MAPK14: variants seen among roughly 807,000 people sequenced by gnomAD.
MAPK14 encodes the protein mitogen-activated protein kinase 14.
In MAPK14, 16 loss-of-function variants were observed where a neutral mutation model predicts 49.6. The ratio of observed to expected loss-of-function variants is 0.32; its 90% confidence interval spans 0.22 to 0.49. The LOEUF (loss-of-function observed/expected upper bound fraction) is 0.49, where lower values mean the gene tolerates loss of function less well. MAPK14 is among the 20% of genes least tolerant of loss of function. The probability of loss-of-function intolerance (pLI) is 0.99; values close to 1 mark genes in which losing one functional copy is unlikely to be tolerated. For missense variants in MAPK14, 200 were observed against 441.2 expected, an observed-to-expected ratio of 0.45 and a Z score of 4.90; for synonymous variants, 142 against 158.0, an observed-to-expected ratio of 0.90 and a Z score of 0.76.
chr6:36,031,551 C>T (rs1030934913), intron 1 of MAPK14, among the ~76,000 whole-genome samples: 7 of 151,878 alleles, frequency 4.6e-5, no homozygotes, highest in African/African-American at 1.7e-4. Context: ...GATACAAGTG[C>T]GCAACACCAT....
chr6:36,054,927 G>T (rs1470106394), intron 2 of MAPK14, among the ~76,000 whole-genome samples: 1 of 152,180 alleles, frequency 6.6e-6, no homozygotes, highest in Non-Finnish European at 1.5e-5. Flanking sequence ...ACAATTTTCA[G>T]GTGCCAGAGG....
At chr6:36,117,902 G>A in the MAPK14 span, among the ~76,000 whole-genome samples, 190 of 152,310 alleles carry the variant, frequency 1.2e-3, no homozygotes, top group African/African-American at 4.3e-3. Flanking sequence ...ATCCCTTGCA[G>A]ATCACCTTGT....
In MAPK14 at chr6:36,090,783, C is replaced by G. The variant is rs372699371; in HGVS notation, c.683-5204C>G. The stretch of plus-strand genomic sequence containing the variant: ...TAAAAAGCAGTTTCACTTTAGACAC[C>G]AAAAGCAAGTGTCCAATAAATGCTG... On this transcript the variant is annotated intron_variant, in intron 8 of 11. Transcript: ENST00000229794. Among the ~76,000 whole-genome samples, 58 of 152,252 alleles carry G rather than the reference C, an allele frequency of 3.8e-4. No individual in the cohort carries two copies. In the Middle Eastern group the frequency reaches 0.014, roughly 36 times the overall value.
In MAPK14 at chr6:36,054,184, A is replaced by G. The variant is rs943400965; in HGVS notation, c.246+1356A>G. ...TGATTTTTAACACATTTAAGTGTGT[A>G]TGCTGTTTTTCATTACACATTATTA... On this transcript the variant is annotated intron_variant, in intron 2 of 11. Coordinates refer to ENST00000229794, the MANE Select transcript of MAPK14 (RefSeq NM_139012.3). 7.5e-4 allele frequency among the ~76,000 whole-genome samples: 114 copies of G among 152,326 alleles called. 2 individuals carry two copies. Among genetic ancestry groups the G allele is most frequent in the Non-Finnish European group, 5.9e-5 (4 of 68,034 alleles).
intron 8 of MAPK14, among the ~76,000 whole-genome samples, 190 bp from the exon 9 acceptor site, chr6:36,095,797 G>A (rs1287562078): frequency 1.3e-5 from 2 of 151,830 alleles, no homozygotes; most frequent in African/African-American, 2.4e-5. Flanking sequence ...TTGTACAGGA[G>A]GAGCATGCCC....
intron 1 of MAPK14, among the ~76,000 whole-genome samples, chr6:36,043,059 AG>A (rs1763027578): frequency 6.6e-6 from 1 of 151,942 alleles, no homozygotes; most frequent in Admixed American, 6.6e-5. Flanking sequence ...GGGAAGTCAA[AG>A]CTGCATTGAG....
At chr6:36,123,914 G>A in the MAPK14 span, among the ~76,000 whole-genome samples, 19 of 152,018 alleles carry the variant, frequency 1.2e-4, no homozygotes, top group Non-Finnish European at 7.4e-5. Context: ...ATGGTGTGGG[G>A]AGGGAGGTGT....
At chr6:36,091,567 T>G (rs1765230472) in intron 8 of MAPK14, among the ~76,000 whole-genome samples, 2 of 152,226 alleles carry the variant, frequency 1.3e-5, no homozygotes, top group Non-Finnish European at 2.9e-5. Context: ...CTCCTTCTGG[T>G]CTTAACTGCC....
At chr6:36,030,017 A>G (rs1243049657) in intron 1 of MAPK14, among the ~76,000 whole-genome samples, 1 of 151,818 alleles carries the variant, frequency 6.6e-6, no homozygotes, top group Non-Finnish European at 1.5e-5. Context: ...CTCTTTTAAT[A>G]TTTTATAGCT....
chr6:36,049,772 TGAA>T (rs1291145817), intron 1 of MAPK14, among the ~76,000 whole-genome samples: 2 of 152,168 alleles, frequency 1.3e-5, no homozygotes. Flanking sequence ...AGAAGAGGAA[TGAA>T]GAAGTGAAAT....
chr6:36,059,306 C>A lies in MAPK14; in HGVS notation c.264C>A (p.Asp88Glu). The change falls in exon 3 of 12, where the codon GAC becomes GAA. Residue 88 changes from aspartate to glutamate, a missense_variant. Physicochemically the swap from Asp to Glu is conservative, Grantham distance 45. Coordinates refer to ENST00000229794, the MANE Select transcript of MAPK14 (RefSeq NM_139012.3). ...TCTTACAGGTGATTGGTCTGTTGGA[C>A]GTTTTTACACCTGCAAGGTCTCTGG... ...MKHENVIGLL[D>E]VFTPARSLEE... is the part of the protein sequence containing the mutation. 6.2e-7 allele frequency: 1 copy of A among 1,609,344 alleles called. No homozygotes were observed. Among genetic ancestry groups the A allele is most frequent in the Non-Finnish European group, 8.5e-7 (1 of 1,176,032 alleles).
At chr6:36,061,642 G>T (rs1184520197) in intron 3 of MAPK14, among the ~76,000 whole-genome samples, 2 of 152,240 alleles carry the variant, frequency 1.3e-5, no homozygotes, top group Non-Finnish European at 1.5e-5. Context: ...ACACTGAGCA[G>T]AGTGTTAGCA....
Position 36,057,295 on chromosome 6 carries a change from A to G in MAPK14, c.247-1994A>G, listed in dbSNP as rs566693563. Among the ~76,000 whole-genome samples, 6 of 152,336 alleles carry G rather than the reference A, an allele frequency of 3.9e-5. No homozygotes were observed. In the East Asian group the frequency reaches 5.8e-4, roughly 15 times the overall value. The stretch of plus-strand genomic sequence containing the variant: ...AAGTAAAAAGGCAGGATATAAAACT[A>G]TGCATGGTGTAACCCCAATTTAATT... On this transcript the variant is annotated intron_variant, in intron 2 of 11. Transcript: ENST00000229794.
chr6:36,060,894 T>G (rs1763793734), intron 3 of MAPK14, among the ~76,000 whole-genome samples: 1 of 152,202 alleles, frequency 6.6e-6, no homozygotes. Flanking sequence ...ACATTAACCT[T>G]GATCCTGCTA....
chr6:36,066,568 G>A (rs760632715), intron 3 of MAPK14, among the ~76,000 whole-genome samples: 1 of 152,152 alleles, frequency 6.6e-6, no homozygotes, highest in Non-Finnish European at 1.5e-5. Context: ...AACTGTGTCC[G>A]AAGAAACAAA....
intron 6 of MAPK14, among the ~76,000 whole-genome samples, chr6:36,074,358 T>TATC (rs1401930323): frequency 6.6e-6 from 1 of 152,144 alleles, no homozygotes; most frequent in East Asian, 1.9e-4. Flanking sequence ...AATAGTCAAA[T>TATC]ATCAAGTAAG....
intron 3 of MAPK14, among the ~76,000 whole-genome samples, chr6:36,065,507 G>GGTGTGTGTGTGTGTGT (rs386358922): frequency 0.064 from 7,796 of 122,216 alleles, 375 homozygotes; most frequent in Middle Eastern, 0.11. Context: ...GGGCAGAAAA[G>GGTGTGTGTGTGTGTGT]GTGTGTGTGT....
At chr6:36,086,889 C>T (rs908153251) in intron 8 of MAPK14, among the ~76,000 whole-genome samples, 3 of 152,160 alleles carry the variant, frequency 2.0e-5, no homozygotes, top group Non-Finnish European at 2.9e-5. Context: ...TGCAAAAATC[C>T]TCAGTAAAAT....
At chr6:36,089,696 T>A (rs1426383398) in intron 8 of MAPK14, among the ~76,000 whole-genome samples, 1 of 152,178 alleles carries the variant, frequency 6.6e-6, no homozygotes, top group Admixed American at 6.5e-5. Context: ...AGCCCTTTCT[T>A]AAAAGCCTAG....
Sources: gnomAD v4.1 joint callset for allele counts (sites outside exome capture counted in the v4.1 genomes callset) on GRCh38, gnomAD v4.1.1 for gene constraint, MANE v1.5 for transcripts, NCBI Gene and HGNC (gene_info 2026-07-23, HGNC 2026-07-21) for gene names.